The following SRSF3 variants were observed in gnomAD, a reference collection of about 807,000 sequenced individuals.
SRSF3 encodes the protein serine and arginine rich splicing factor 3, also known as serine/arginine-rich splicing factor 3.
For missense variants in SRSF3, 58 were observed against 217.1 expected, an observed-to-expected ratio of 0.27 and a Z score of 4.61; for synonymous variants, 87 against 73.6, an observed-to-expected ratio of 1.18 and a Z score of -0.93.
chr6:36,595,481 G>A (rs1778611608), intron 1 of SRSF3, among the ~76,000 whole-genome samples: 1 of 152,086 alleles, frequency 6.6e-6, no homozygotes, highest in South Asian at 2.1e-4. Flanking sequence ...ACTACCCATT[G>A]AGCACTTACT....
rs34650091 is a variant in SRSF3 at position 36,596,574 on chromosome 6, CGGG to C, written c.-2-179_-2-177del. Among the ~76,000 whole-genome samples, 27 of 91,962 alleles carry C rather than the reference CGGG, an allele frequency of 2.9e-4. 3 individuals carry two copies. Among genetic ancestry groups the C allele is most frequent in the Admixed American group, 6.6e-4 (6 of 9,136 alleles). 60.3% of individuals were successfully genotyped at this position (91,962 alleles called of 152,430 possible). A position where few individuals can be genotyped will look rare whatever the true frequency, so the allele number is the denominator to read the frequency against. On this transcript the variant is annotated intron_variant, in intron 1 of 5. Coordinates refer to ENST00000373715, the MANE Select transcript of SRSF3 (RefSeq NM_003017.5). ...GAGTAAAGATAATGGGGCGGGGTGG[CGGG>C]GGGGGGGAAATGGGTGCTTAGCAGT...
intron 1 of SRSF3, among the ~76,000 whole-genome samples, chr6:36,595,063 T>C (rs1302763530): frequency 6.6e-6 from 1 of 152,202 alleles, no homozygotes; most frequent in African/African-American, 2.4e-5. Context: ...TGGTTTGGTC[T>C]TAGAACTTAC....
chr6:36,600,135 A>G (rs2127506050), intron 3 of SRSF3: 1 of 1,069,640 alleles, frequency 9.3e-7, no homozygotes, highest in Non-Finnish European at 1.1e-6. Context: ...CTAACAAAAA[A>G]GCAGGAAAAA....
chr6:36,599,374 A>AG (rs1484734930), intron 3 of SRSF3: 2 of 191,970 alleles, frequency 1.0e-5, no homozygotes, highest in African/African-American at 4.7e-5. Context: ...TTTATCAAAC[A>AG]GGCAGCTGTT....
At chr6:36,599,669 G>A (rs961202720) in intron 3 of SRSF3, 4 of 534,062 alleles carry the variant, frequency 7.5e-6, no homozygotes, top group Non-Finnish European at 1.3e-5. Flanking sequence ...TCAAAATCTT[G>A]CCCCTTTTGC....
At chr6:36,598,756 T>C (rs944081381) in intron 2 of SRSF3, 93 bp from the exon 3 acceptor site, 2 of 1,430,428 alleles carry the variant, frequency 1.4e-6, no homozygotes, top group African/African-American at 2.8e-5. Flanking sequence ...TTAGGTGTGT[T>C]CTTTGCAGAA....
intron 2 of SRSF3, 129 bp downstream of exon 2, chr6:36,597,097 CTTTTTT>C (rs35760494): frequency 4.6e-3 from 1,646 of 361,484 alleles, no homozygotes; most frequent in Non-Finnish European, 5.6e-3. Flanking sequence ...CAATTGGGAT[CTTTTTT>C]TTTTTTTTTT....
intron 1 of SRSF3, among the ~76,000 whole-genome samples, chr6:36,595,216 A>C (rs1778606208): frequency 2.0e-5 from 3 of 152,214 alleles, no homozygotes; most frequent in African/African-American, 7.2e-5. Flanking sequence ...TATGTAATTG[A>C]AACTGGTCTA....
intron 3 of SRSF3, chr6:36,600,923 A>G (rs1778700104): frequency 2.3e-6 from 1 of 434,848 alleles, no homozygotes; most frequent in South Asian, 4.0e-5. Flanking sequence ...AAGTGAATCC[A>G]TGGTTGGAAT....
rs1426380721 is a variant in SRSF3, at chr6:36,598,835, C to A, written c.207-14C>A. On this transcript the variant is annotated splice_polypyrimidine_tract_variant and intron_variant, in intron 2 of 5. Transcript: ENST00000373715. Reference sequence around the variant, plus strand: ...AGTCAGGCTGTTTTAAGTTTAATATCTTTGCCCCCTCAGAACACTATGTGG... The same window carrying A: ...AGTCAGGCTGTTTTAAGTTTAATATATTTGCCCCCTCAGAACACTATGTGG... The A allele has an allele frequency of 6.2e-7, 1 of 1,610,228 alleles. No individual in the cohort carries two copies. The highest frequency in any genetic ancestry group is 1.7e-5 in the Admixed American group (1 of 59,210).
rs1257559227 is a variant in SRSF3, at chr6:36,605,442, A to G, written c.*3453A>G. On this transcript the variant is annotated 3_prime_UTR_variant, in exon 6 of 6. Transcript: ENST00000373715. ...TGGGTGGAGGTTGCCATGAGCCGAGATGTAGCCACTTCACTCCAGCCTGAG... is the reference window on the plus strand; with the variant it reads ...TGGGTGGAGGTTGCCATGAGCCGAGGTGTAGCCACTTCACTCCAGCCTGAG... 1 of 151,826 alleles carries G rather than the reference A, an allele frequency of 6.6e-6. No homozygotes were observed. Among genetic ancestry groups the G allele is most frequent in the African/African-American group, 2.4e-5 (1 of 41,304 alleles). 9.4% of individuals were successfully genotyped at this position (151,826 alleles called of 1,614,324 possible).
chr6:36,604,243 C>T lies in SRSF3; in HGVS notation c.*2254C>T, dbSNP rs1778775152. On this transcript the variant is annotated 3_prime_UTR_variant, in exon 6 of 6. Transcript: ENST00000373715. ...TGTGGTTTAAGGATCAAGGTGTTCA[C>T]TAGAAGTCACTGTTACTAATACTTG... 1 of 217,396 alleles carries T rather than the reference C, an allele frequency of 4.6e-6. No homozygotes were observed. The highest frequency in any genetic ancestry group is 2.3e-5 in the African/African-American group (1 of 44,432). The allele number at this position is 217,396 out of a possible 1,614,324, so 13.5% of individuals were successfully genotyped here.
intron 3 of SRSF3, 126 bp from the exon 4 acceptor site, chr6:36,601,026 T>TTTTTA: frequency 3.2e-6 from 1 of 315,694 alleles, no homozygotes; most frequent in Non-Finnish European, 5.8e-6. Flanking sequence ...TTTTTTTTTT[T>TTTTTA]GGACGATGGG....
chr6:36,603,881 G>C lies in SRSF3; in HGVS notation c.*1892G>C, dbSNP rs567919552. On this transcript the variant is annotated 3_prime_UTR_variant, in exon 6 of 6. Coordinates refer to ENST00000373715, the MANE Select transcript of SRSF3 (RefSeq NM_003017.5). ...TTCCTTGCAGGCTCTTAAGTTGGAA[G>C]GGTTTCTGTAAAAAGGACAGTTACG... 2 of 231,102 alleles carry C rather than the reference G, an allele frequency of 8.7e-6. No homozygotes were observed. Among genetic ancestry groups the C allele is most frequent in the East Asian group, 6.2e-5 (1 of 16,228 alleles). The allele number at this position is 231,102 out of a possible 1,614,324, so 14.3% of individuals were successfully genotyped here.
intron 3 of SRSF3, 31 bp downstream of exon 3, chr6:36,599,014 T>C (rs779772267): frequency 6.2e-7 from 1 of 1,610,398 alleles, no homozygotes; most frequent in Admixed American, 1.7e-5. Context: ...TAAGAGGTAT[T>C]GGTGTAATGG....
intron 1 of SRSF3, chr6:36,594,698 G>C (rs1423208002): frequency 1.3e-5 from 2 of 152,202 alleles, no homozygotes; most frequent in African/African-American, 4.8e-5. Flanking sequence ...AGCCAGGATG[G>C]GGGTTACCTG....
chr6:36,601,019 TTTTTTTTG>T, intron 3 of SRSF3, 125 bp from the exon 4 acceptor site: 3 of 319,342 alleles, frequency 9.4e-6, no homozygotes, highest in Non-Finnish European at 1.0e-5. Context: ...TTTTTTTTTT[TTTTTTTTG>T]GACGATGGGT....
At chr6:36,596,312 G>A (rs1778626118) in intron 1 of SRSF3, among the ~76,000 whole-genome samples, 1 of 152,092 alleles carries the variant, frequency 6.6e-6, no homozygotes, top group Admixed American at 6.6e-5. Context: ...TGAATCGCTT[G>A]CCTGGTAGTA....
chr6:36,599,153 T>C (rs1778678136), intron 3 of SRSF3, among the ~76,000 whole-genome samples, 170 bp downstream of exon 3: 1 of 152,230 alleles, frequency 6.6e-6, no homozygotes, highest in African/African-American at 2.4e-5. Context: ...GAGTGTTGGC[T>C]TTTGTCTTTA....
Sources: allele counts gnomAD v4.1 joint callset (sites outside exome capture counted in the v4.1 genomes callset), GRCh38; gene constraint gnomAD v4.1.1; transcripts MANE v1.5; gene names NCBI Gene and HGNC (gene_info 2026-07-23, HGNC 2026-07-21).